TRIM66: variants seen among roughly 807,000 people sequenced by gnomAD.
TRIM66 encodes the protein tripartite motif-containing protein 66.
A neutral mutation model predicts 148.2 loss-of-function variants in TRIM66; 99 were observed. The ratio of observed to expected loss-of-function variants is 0.67; its 90% CI spans 0.57 to 0.79. The LOEUF (loss-of-function observed/expected upper bound fraction) is 0.79, where lower values mean the gene tolerates loss of function less well. TRIM66 is among the 30% of genes least tolerant of loss of function. The pLI is 0.00. For synonymous variants in TRIM66, 616 were observed against 635.9 expected (o/e 0.97, Z 0.47); for missense variants, 1,666 against 1,697.9 (o/e 0.98, Z 0.33).
chr11:8,665,837 T>C (rs1237426623), intron 6 of TRIM66, among the ~76,000 whole-genome samples: 1 of 151,804 alleles, frequency 6.6e-6, no homozygotes, highest in Non-Finnish European at 1.5e-5. Context: ...TAGTCCCAGC[T>C]ACTCAGGAGG....
Position 8,647,992 on chromosome 11 carries a change from A to G in TRIM66, c.820T>C (p.Ser274Pro). The change falls in exon 10 of 25, where the codon TCT (serine) becomes CCT (proline). Residue 274 changes from serine (S) to proline (P), a missense_variant. Ser to Pro is a moderately conservative substitution (Grantham distance 74). Coordinates refer to ENST00000646038, the MANE Select transcript of TRIM66 (RefSeq NM_001388022.1). Reference sequence around the variant, plus strand: ...TACCTGTCCTCAATTTGCTTTGCAGATGTCTGTAGACTGGATTTCTTATGT... The same window carrying G: ...TACCTGTCCTCAATTTGCTTTGCAGGTGTCTGTAGACTGGATTTCTTATGT... ...VAHKKSSLQT[S>P]AKQIEDRIFE... is the part of the protein sequence containing the mutation. The G allele has an allele frequency of 6.4e-7, 1 of 1,551,846 alleles. No homozygotes were observed. Among genetic ancestry groups the G allele is most frequent in the Non-Finnish European group, 8.7e-7 (1 of 1,146,998 alleles).
intron 6 of TRIM66, among the ~76,000 whole-genome samples, chr11:8,654,929 C>G (rs913993439): frequency 1.3e-5 from 2 of 152,070 alleles, no homozygotes; most frequent in Non-Finnish European, 2.9e-5. Flanking sequence ...GGCACAATCT[C>G]GGCTCACTGC....
intron 6 of TRIM66, among the ~76,000 whole-genome samples, chr11:8,669,218 C>T (rs1235711646): frequency 6.6e-6 from 1 of 152,194 alleles, no homozygotes; most frequent in Non-Finnish European, 1.5e-5. Flanking sequence ...CCTATTGCTG[C>T]TAATACCAAC....
At chr11:8,672,524 G>C in intron 4 of TRIM66, 139 bp from the exon 5 acceptor site, 1 of 932,902 alleles carries the variant, frequency 1.1e-6, no homozygotes, top group Non-Finnish European at 1.5e-6. Flanking sequence ...TGAGGAAACA[G>C]TGTTAGAGAG....
intron 15 of TRIM66, among the ~76,000 whole-genome samples, chr11:8,628,340 T>G (rs1417393560): frequency 6.6e-6 from 1 of 151,838 alleles, no homozygotes; most frequent in South Asian, 2.1e-4. Flanking sequence ...TGGTTGGGCA[T>G]GGTGGCTCAC....
chr11:8,668,204 T>TA (rs1326286321), intron 6 of TRIM66, among the ~76,000 whole-genome samples: 30 of 152,230 alleles, frequency 2.0e-4, no homozygotes, highest in Admixed American at 1.8e-3. Context: ...GCTTATTGGT[T>TA]ATTTGTACTT....
intron 8 of TRIM66, 127 bp downstream of exon 8, chr11:8,649,613 G>C: frequency 7.8e-7 from 1 of 1,290,102 alleles, no homozygotes; most frequent in Non-Finnish European, 1.0e-6. Flanking sequence ...CTTTGGGAAA[G>C]GCTCTGAGAC....
At position 8,641,010 on chromosome 11, in the gene TRIM66, G is replaced by C. The variant is rs905561695; in HGVS notation, c.1365C>G (p.Phe455Leu). 2.3e-5 allele frequency: 35 copies of C among 1,551,478 alleles called. No homozygotes were observed. The highest frequency in any genetic ancestry group is 2.6e-5 in the Non-Finnish European group (30 of 1,146,988). ...QEALSHPSHK[F>L]QSPAVCSSSV... ...ATGAGGAGCACACTGCTGGAGACTG[G>C]AACTTGTGTGAGGGGTGGCTAAGAG... is the stretch of plus-strand genomic sequence containing the variant. Residue 455 changes from phenylalanine to leucine, a missense_variant, in exon 14 of 25, where the codon TTC becomes TTG. By Grantham distance (22) the Phe-to-Leu change is conservative. Transcript: ENST00000646038.
At chr11:8,660,675 T>C (rs1192249675) in intron 6 of TRIM66, among the ~76,000 whole-genome samples, 1 of 152,228 alleles carries the variant, frequency 6.6e-6, no homozygotes, top group Non-Finnish European at 1.5e-5. Flanking sequence ...GCTCCTTAAA[T>C]TGTGCTAGCC....
rs2033814347 is a variant in TRIM66 at position 8,617,771 on chromosome 11, G to A, written c.*173C>T. The A allele has an allele frequency of 3.2e-6, 2 of 626,048 alleles. No individual in the cohort carries two copies. Among genetic ancestry groups the A allele is most frequent in the African/African-American group, 1.8e-5 (1 of 54,360 alleles). The allele number at this position is 626,048 out of a possible 1,614,324, so 38.8% of individuals were successfully genotyped here. A position where few individuals can be genotyped will look rare whatever the true frequency, so the allele number is the denominator to read the frequency against. On this transcript the variant is annotated 3_prime_UTR_variant, in exon 25 of 25. Coordinates refer to ENST00000646038, the MANE Select transcript of TRIM66 (RefSeq NM_001388022.1). ...TACTGAAATCTTCTCTGTAGTGGAT[G>A]TACTACGGCTCCCAAATAAATGCTG... is the stretch of plus-strand genomic sequence containing the variant.
chr11:8,612,653 G>T lies in TRIM66; in HGVS notation c.*5291C>A, dbSNP rs1273778910. 1 of 152,156 alleles carries T rather than the reference G, an allele frequency of 6.6e-6. No individual in the cohort carries two copies. The highest frequency in any genetic ancestry group is 2.4e-5 in the African/African-American group (1 of 41,422). 9.4% of individuals were successfully genotyped at this position (152,156 alleles called of 1,614,324 possible). A position where few individuals can be genotyped will look rare whatever the true frequency, so the allele number is the denominator to read the frequency against. On this transcript the variant is annotated 3_prime_UTR_variant, in exon 25 of 25. Transcript: ENST00000646038. ...GTGGTGATCAGCACAGGTGGGAAAG[G>T]CCCTGATATAAGGAGTCATGCTGAC... is the stretch of plus-strand genomic sequence containing the variant.
intron 1 of TRIM66, among the ~76,000 whole-genome samples, chr11:8,681,453 T>G (rs1208994219): frequency 6.6e-6 from 1 of 152,072 alleles, no homozygotes; most frequent in Non-Finnish European, 1.5e-5. Flanking sequence ...ATATTTTAGC[T>G]AAAATATATT....
Position 8,620,454 on chromosome 11 carries a change from C to T in TRIM66, c.3664G>A (p.Asp1222Asn). The change falls in exon 21 of 25, where the codon GAC becomes AAC. Residue 1222 changes from aspartate (D) to asparagine (N), a missense_variant. By Grantham distance (23) the Asp-to-Asn change is conservative. Transcript: ENST00000646038. ...MRASPGLSMY[D>N]QKKCEKLVLS... ...CAAAGACTCCTCCCTACCTTCTGGT[C>T]ATACATGCTTAGGCCAGGAGATGCC... The T allele has an allele frequency of 6.4e-7, 1 of 1,551,732 alleles. No individual in the cohort carries two copies. Among genetic ancestry groups the T allele is most frequent in the Non-Finnish European group, 8.7e-7 (1 of 1,146,982 alleles).
At chr11:8,645,592 T>A in intron 12 of TRIM66, 149 bp downstream of exon 12, 1 of 941,830 alleles carries the variant, frequency 1.1e-6, no homozygotes, top group East Asian at 2.6e-5. Context: ...AGTGATTGAA[T>A]TTGAAGGATG....
rs971896920 is a variant in TRIM66 at position 8,619,881 on chromosome 11, G to T, written c.3747+169C>A. ...CCAACCTGGGAACCACCACGCTCCT[G>T]CCCCATGGCCTGGGCCCTCTGAGCA... On this transcript the variant is annotated intron_variant, in intron 22 of 24. Transcript: ENST00000646038. 2.0e-4 allele frequency among the ~76,000 whole-genome samples: 31 copies of T among 152,356 alleles called. No individual in the cohort carries two copies. The East Asian group carries it at 5.6e-3, about 27-fold the overall frequency.
rs564536136 is a variant in TRIM66 at position 8,648,036 on chromosome 11, C to A, written c.776G>T (p.Gly259Val). The A allele has an allele frequency of 9.0e-6, 14 of 1,551,760 alleles. No individual in the cohort carries two copies. In the Admixed American group the frequency reaches 2.5e-4, roughly 28 times the overall value. The change falls in exon 10 of 25, where the codon GGT (glycine) becomes GTT (valine). Residue 259 changes from glycine (G) to valine (V), a missense_variant. Around this residue, in one of 3 missense-constraint regions of TRIM66, gnomAD observed 1,431 missense variants for 1,412.4 expected, o/e 1.01. Coordinates refer to ENST00000646038, the MANE Select transcript of TRIM66 (RefSeq NM_001388022.1). Reference protein sequence around the residue: ...VLQNQRMLLEGVTTQVAHKKS... With the variant: ...VLQNQRMLLEVVTTQVAHKKS... ...CTTATGTGCCACCTGTGTAGTCACA[C>A]CTTCCAGAAGCATCCTCTGGTTTTG...
At chr11:8,632,310 A>T (rs1180935605) in intron 15 of TRIM66, among the ~76,000 whole-genome samples, 2 of 152,142 alleles carry the variant, frequency 1.3e-5, no homozygotes, top group Non-Finnish European at 2.9e-5. Context: ...TTCATCTCAA[A>T]AAATAAATAA....
chr11:8,651,369 T>C (rs1453377687), intron 7 of TRIM66, among the ~76,000 whole-genome samples: 1 of 152,084 alleles, frequency 6.6e-6, no homozygotes, highest in Non-Finnish European at 1.5e-5. Context: ...AAAAAGGTGA[T>C]AGTTGTTAAA....
intron 20 of TRIM66, 121 bp from the exon 21 acceptor site, chr11:8,620,693 G>T: frequency 7.0e-7 from 1 of 1,422,212 alleles, no homozygotes; most frequent in Non-Finnish European, 9.3e-7. Flanking sequence ...GTAAGAAATG[G>T]CTTTCTAGCC....
Sources: allele counts gnomAD v4.1 joint callset (sites outside exome capture counted in the v4.1 genomes callset), GRCh38; gene constraint gnomAD v4.1.1; regional missense constraint gnomAD v4.1.1; transcripts MANE v1.5; gene names NCBI Gene and HGNC (gene_info 2026-07-23, HGNC 2026-07-21).